The following CHRNA4 variants were observed in gnomAD, a reference collection of about 807,000 sequenced individuals.
CHRNA4 encodes neuronal acetylcholine receptor subunit alpha-4.
Under a neutral mutation model 48.9 loss-of-function variants are expected in CHRNA4, and 28 were observed. That is an observed-to-expected ratio of 0.57 (90% CI 0.42 to 0.79). The LOEUF is 0.79. Among genes scored for constraint, CHRNA4 ranks in the 30% least tolerant of loss-of-function variants. CHRNA4 has a pLI of 0.00. For synonymous variants in CHRNA4, 425 were observed against 402.3 expected, an observed-to-expected ratio of 1.06 and a Z score of -0.68; for missense variants, 859 against 898.4, an observed-to-expected ratio of 0.96 and a Z score of 0.56.
chr20:63,355,943 T>G, intron 4 of CHRNA4, 32 bp downstream of exon 4: 1 of 1,607,684 alleles, frequency 6.2e-7, no homozygotes, highest in Non-Finnish European at 8.5e-7. Context: ...ACCAAGGCCC[T>G]GTAGAGGACT....
intron 4 of CHRNA4, among the ~76,000 whole-genome samples, chr20:63,353,623 G>T (rs1303272527): frequency 8.4e-6 from 1 of 119,022 alleles, no homozygotes; most frequent in Non-Finnish European, 1.8e-5. Context: ...GTCCTAGAGG[G>T]GGCTGTGGTC....
In CHRNA4 at chr20:63,349,955, AC is replaced by A. The variant is rs1416943170; in HGVS notation, c.1455del (p.Ser486LeufsTer79). The A allele has an allele frequency of 6.4e-7, 1 of 1,571,536 alleles. No individual in the cohort carries two copies. Among genetic ancestry groups the A allele is most frequent in the African/African-American group, 1.4e-5 (1 of 74,000 alleles). On this transcript the variant is annotated frameshift_variant, in exon 5 of 6. Transcript: ENST00000370263. LOFTEE classifies it high-confidence loss of function. Reference protein sequence around the residue: ...GEAVEGGVRCRSRSIQYCVPR... With the variant: ...GEAVEGGVRCXSRSIQYCVPR... ...GGAACACAGTACTGGATGCTCCGAG[AC>A]CGGCACCGGACGCCGCCTTCCACCG...
At chr20:63,351,221 C>CACCCACACCCAT (rs1568811922) in intron 4 of CHRNA4, 194 bp from the exon 5 acceptor site, 16 of 381,004 alleles carry the variant, frequency 4.2e-5, no homozygotes, top group East Asian at 8.2e-5. Context: ...TCCACGTCCA[C>CACCCACACCCAT]GCCCACATCC....
At position 63,361,245 on chromosome 20, in the gene CHRNA4, ATGCCTCCCGC is replaced by A; in HGVS notation, c.-90_-81del. 1.4e-6 allele frequency: 2 copies of A among 1,421,788 alleles called. No homozygotes were observed. The highest frequency in any genetic ancestry group is 1.8e-6 in the Non-Finnish European group (2 of 1,090,746). The allele number at this position is 1,421,788 out of a possible 1,614,324, so 88.1% of individuals were successfully genotyped here. ...TCGAGGCCCGTGCGCGCCCAACTTCATGCCTCCCGCGCCTCGCGGGCCGCTTCGGCCGCCG... is the reference window on the plus strand; with the variant it reads ...TCGAGGCCCGTGCGCGCCCAACTTCAGCCTCGCGGGCCGCTTCGGCCGCCG... On this transcript the variant is annotated 5_prime_UTR_variant, in exon 1 of 6. The change abolishes an upstream ATG in the 5' untranslated region. Coordinates refer to ENST00000370263, the MANE Select transcript of CHRNA4 (RefSeq NM_000744.7).
intron 2 of CHRNA4, among the ~76,000 whole-genome samples, chr20:63,358,989 C>T (rs1046300870): frequency 6.6e-6 from 1 of 152,222 alleles, no homozygotes; most frequent in Non-Finnish European, 1.5e-5. Flanking sequence ...GCTGCAGGGG[C>T]CTGGCTGGAC....
At position 63,350,760 on chromosome 20, in the gene CHRNA4, G is replaced by A; in HGVS notation, c.651C>T (p.Thr217=). 6.2e-7 allele frequency: 1 copy of A among 1,613,632 alleles called. No individual in the cohort carries two copies. Among genetic ancestry groups the A allele is most frequent in the Non-Finnish European group, 8.5e-7 (1 of 1,179,878 alleles). ...AGCACTCGTACTTCCTGGTGTTGTAGGTGCCCACGGCATCCACGATGACCC... is the reference window on the plus strand; with the variant it reads ...AGCACTCGTACTTCCTGGTGTTGTAAGTGCCCACGGCATCCACGATGACCC... ...GEWVIVDAVG[T]YNTRKYECCA... Residue 217 remains threonine (T), a synonymous_variant, in exon 5 of 6, where the codon ACC becomes ACT. Transcript: ENST00000370263.
chr20:63,346,114 G>A lies in CHRNA4; in HGVS notation c.*624C>T, dbSNP rs1480110293. The A allele has an allele frequency of 4.4e-6, 2 of 454,114 alleles. No homozygotes were observed. Among genetic ancestry groups the A allele is most frequent in the Non-Finnish European group, 4.4e-6 (1 of 226,788 alleles). 28.1% of individuals were successfully genotyped at this position (454,114 alleles called of 1,614,324 possible). A position where few individuals can be genotyped will look rare whatever the true frequency, so the allele number is the denominator to read the frequency against. On this transcript the variant is annotated 3_prime_UTR_variant, in exon 6 of 6. Coordinates refer to ENST00000370263, the MANE Select transcript of CHRNA4 (RefSeq NM_000744.7). ...AAACTCTGTTCTCCAAGGCTCCTTAGGCACAAGACTTGAGTTCTCACTAAC... is the reference window on the plus strand; with the variant it reads ...AAACTCTGTTCTCCAAGGCTCCTTAAGCACAAGACTTGAGTTCTCACTAAC...
rs200945079 is a variant in CHRNA4 at position 63,344,563 on chromosome 20, G to C, written c.*2175C>G. 2 of 452,394 alleles carry C rather than the reference G, an allele frequency of 4.4e-6. No individual in the cohort carries two copies. Among genetic ancestry groups the C allele is most frequent in the Admixed American group, 4.7e-5 (2 of 42,402 alleles). The allele number at this position is 452,394 out of a possible 1,614,324, so 28.0% of individuals were successfully genotyped here. ...GCCACCCCCGGCAGGAGGGTCCCCC[G>C]GCAGGAGCGTCCCAGCCACTCCGCA... On this transcript the variant is annotated 3_prime_UTR_variant, in exon 6 of 6. Coordinates refer to ENST00000370263, the MANE Select transcript of CHRNA4 (RefSeq NM_000744.7). The surrounding 1 kb of genome is among the most constrained non-coding windows in gnomAD (Gnocchi z 4.5).
At chr20:63,357,246 C>T (rs1225116730) in intron 2 of CHRNA4, among the ~76,000 whole-genome samples, 4 of 142,818 alleles carry the variant, frequency 2.8e-5, no homozygotes, top group East Asian at 2.2e-4. Context: ...CCACAGACCA[C>T]GTCCCCACAG....
Position 63,345,247 on chromosome 20 carries a change from C to A in CHRNA4, c.*1491G>T. 2.2e-6 allele frequency: 1 copy of A among 450,540 alleles called. No homozygotes were observed. 27.9% of individuals were successfully genotyped at this position (450,540 alleles called of 1,614,324 possible). ...AGACTCAGTGGGACGCAGAGCCCAA[C>A]CCCATCCCCACCCCTGGCTGGATGG... On this transcript the variant is annotated 3_prime_UTR_variant, in exon 6 of 6. Transcript: ENST00000370263. The surrounding 1 kb of genome is among the most constrained non-coding windows in gnomAD (Gnocchi z 5.4).
chr20:63,346,756 C>T lies in CHRNA4; in HGVS notation c.1866G>A (p.Trp622Ter). The change falls in exon 6 of 6, where the codon TGG becomes TGA. Residue 622 changes from tryptophan (W) to a stop codon, truncating the protein, a stop_gained. Coordinates refer to ENST00000370263, the MANE Select transcript of CHRNA4 (RefSeq NM_000744.7). LOFTEE classifies it high-confidence loss of function. The part of the protein sequence containing the change: ...LGTVGLFLPP[W>*]LAGMI ...TCCCTTCCTAGATCATGCCAGCCAG[C>T]CAGGGCGGCAGGAAGAGGCCCACCG... 1.2e-6 allele frequency: 2 copies of T among 1,610,718 alleles called. No homozygotes were observed. Among genetic ancestry groups the T allele is most frequent in the South Asian group, 2.2e-5 (2 of 91,060 alleles).
rs940222032 is a variant in CHRNA4 at position 63,346,427 on chromosome 20, G to A, written c.*311C>T. On this transcript the variant is annotated 3_prime_UTR_variant, in exon 6 of 6. Coordinates refer to ENST00000370263, the MANE Select transcript of CHRNA4 (RefSeq NM_000744.7). Reference sequence around the variant, plus strand: ...CTGGGAGGAGTGAGTTCCATCTGCAGGGGAGCTCAGGAGACTCTTGAACTG... The same window carrying A: ...CTGGGAGGAGTGAGTTCCATCTGCAAGGGAGCTCAGGAGACTCTTGAACTG... 24 of 555,860 alleles carry A rather than the reference G, an allele frequency of 4.3e-5. No individual in the cohort carries two copies. Among genetic ancestry groups the A allele is most frequent in the Non-Finnish European group, 7.2e-5 (21 of 292,738 alleles). The allele number at this position is 555,860 out of a possible 1,614,324, so 34.4% of individuals were successfully genotyped here. A position where few individuals can be genotyped will look rare whatever the true frequency, so the allele number is the denominator to read the frequency against.
intron 1 of CHRNA4, 146 bp downstream of exon 1, chr20:63,360,944 C>G: frequency 1.6e-6 from 1 of 628,010 alleles, no homozygotes; most frequent in East Asian, 3.5e-5. Context: ...GCCTGTGCGG[C>G]TGGGGATGGG....
In CHRNA4 at chr20:63,345,919, C is replaced by T. The variant is rs751489177; in HGVS notation, c.*819G>A. 8 of 453,870 alleles carry T rather than the reference C, an allele frequency of 1.8e-5. No homozygotes were observed. The highest frequency in any genetic ancestry group is 7.0e-5 in the East Asian group (1 of 14,364). 28.1% of individuals were successfully genotyped at this position (453,870 alleles called of 1,614,324 possible). On this transcript the variant is annotated 3_prime_UTR_variant, in exon 6 of 6. Coordinates refer to ENST00000370263, the MANE Select transcript of CHRNA4 (RefSeq NM_000744.7). This position sits in a 1 kb window ranked among gnomAD's most constrained non-coding sequence, Gnocchi z 5.4. Reference sequence around the variant, plus strand: ...CCAGGGGCTGAAGCCACTAGGCCCCCGTGGAGCCCTGGCCACCTGCCAGAG... The same window carrying T: ...CCAGGGGCTGAAGCCACTAGGCCCCTGTGGAGCCCTGGCCACCTGCCAGAG...
rs1238575890 is a variant in CHRNA4, at chr20:63,361,149, G to A, written c.17C>T (p.Pro6Leu). The stretch of plus-strand genomic sequence containing the variant: ...CGGCGGCAGCAGCCGCGGCGCTCCG[G>A]GGCCCCCTAGCTCCATGGCGCACGC... MELGG[P>L]GAPRLLPPLL... Residue 6 changes from proline to leucine, a missense_variant, in exon 1 of 6, where the codon CCC becomes CTC. By Grantham distance (98) the Pro-to-Leu change is moderately conservative (BLOSUM62 -3). Coordinates refer to ENST00000370263, the MANE Select transcript of CHRNA4 (RefSeq NM_000744.7). 2.7e-6 allele frequency: 4 copies of A among 1,480,514 alleles called. No individual in the cohort carries two copies. The highest frequency in any genetic ancestry group is 2.3e-5 in the Admixed American group (1 of 44,100). 91.7% of individuals were successfully genotyped at this position (1,480,514 alleles called of 1,614,324 possible). A position where few individuals can be genotyped will look rare whatever the true frequency, so the allele number is the denominator to read the frequency against.
rs187372416 is a variant in CHRNA4 at position 63,350,273 on chromosome 20, T to C, written c.1138A>G (p.Ser380Gly). The C allele has an allele frequency of 4.7e-5, 76 of 1,612,182 alleles. No individual in the cohort carries two copies. In the East Asian group the frequency reaches 1.6e-3, roughly 34 times the overall value. The change falls in exon 5 of 6, where the codon AGT becomes GGT. Residue 380 changes from serine to glycine, a missense_variant. Transcript: ENST00000370263. The stretch of plus-strand genomic sequence containing the variant: ...GGCTCGGGCCAGAAGCGCGGGGCAC[T>C]GGCCATCTTATGCATGGACTCGATG... ...RLIESMHKMA[S>G]APRFWPEPEG...
chr20:63,350,633 G>T lies in CHRNA4; in HGVS notation c.778C>A (p.Leu260Ile), dbSNP rs770780958. Residue 260 changes from leucine to isoleucine, a missense_variant, in exon 5 of 6, where the codon CTC becomes ATC. By Grantham distance (5) the Leu-to-Ile change is conservative (BLOSUM62 2). Around this residue, in one of 3 missense-constraint regions of CHRNA4, gnomAD observed 39 missense variants for 77.7 expected, o/e 0.50. Coordinates refer to ENST00000370263, the MANE Select transcript of CHRNA4 (RefSeq NM_000744.7). Reference protein sequence around the residue: ...LIIPCLLISCLTVLVFYLPSE... With the variant: ...LIIPCLLISCITVLVFYLPSE... ...GGCAGGTAGAAGACCAGCACGGTGA[G>T]GCAGGAGATGAGCAGGCAGGGGATG... The T allele has an allele frequency of 6.2e-7, 1 of 1,613,946 alleles. No homozygotes were observed. The highest frequency in any genetic ancestry group is 1.3e-5 in the African/African-American group (1 of 74,906).
intron 5 of CHRNA4, among the ~76,000 whole-genome samples, chr20:63,347,508 G>C (rs1256127298): frequency 6.6e-6 from 1 of 152,222 alleles, no homozygotes; most frequent in Admixed American, 6.5e-5. Context: ...ACACTCCTGG[G>C]GCTGATGCAG....
chr20:63,348,721 C>T (rs760200267), intron 5 of CHRNA4, among the ~76,000 whole-genome samples: 2 of 152,170 alleles, frequency 1.3e-5, no homozygotes, highest in African/African-American at 4.8e-5. Context: ...CAGCCGAGGC[C>T]GAGACCCCCG....
Sources: gnomAD v4.1 joint callset for allele counts (sites outside exome capture counted in the v4.1 genomes callset) on GRCh38, gnomAD v4.1.1 for gene constraint, gnomAD v4.1.1 regional missense constraint, Gnocchi (gnomAD v3.1) non-coding constraint, MANE v1.5 for transcripts, NCBI Gene and HGNC (gene_info 2026-07-23, HGNC 2026-07-21) for gene names.